EMSY: variants seen among roughly 807,000 people sequenced by gnomAD.
EMSY encodes BRCA2-interacting transcriptional repressor EMSY.
EMSY carries 26 observed loss-of-function variants against 134.6 expected under a neutral mutation model. The ratio of observed to expected loss-of-function variants is 0.19; its 90% confidence interval spans 0.14 to 0.27. The LOEUF is 0.27. Ranked by LOEUF, EMSY falls within the 10% of genes least tolerant of loss-of-function variation. The pLI is 1.00. For synonymous variants in EMSY, 579 were observed against 577.8 expected (o/e 1.00, Z -0.03); for missense variants, 1,305 against 1,611.4 (o/e 0.81, Z 3.26).
Position 76,499,727 on chromosome 11 carries a change from C to T in EMSY, c.1363+3258C>T, listed in dbSNP as rs1434366141. 2.6e-5 allele frequency among the ~76,000 whole-genome samples: 4 copies of T among 151,960 alleles called. No individual in the cohort carries two copies. The East Asian group carries it at 7.7e-4, about 29-fold the overall frequency. On this transcript the variant is annotated intron_variant, in intron 9 of 20. Coordinates refer to ENST00000334736, the Ensembl canonical transcript of EMSY. ...TTTTTTCTTGCCTATTTGTAGTTTA[C>T]TTGAAGAATTTTTAGGGTTTCATGT... is the stretch of plus-strand genomic sequence containing the variant.
At chr11:76,508,631 G>A (rs189338739) in intron 9 of EMSY, among the ~76,000 whole-genome samples, 3 of 152,334 alleles carry the variant, frequency 2.0e-5, no homozygotes, top group African/African-American at 7.2e-5. Flanking sequence ...GTCCTAGATG[G>A]CATCTTCTTC....
intron 6 of EMSY, chr11:76,461,065 T>C (rs1020612401): frequency 2.0e-5 from 3 of 151,382 alleles, no homozygotes; most frequent in African/African-American, 7.3e-5. Context: ...CAAGTTTGGG[T>C]GAGGATCTTA....
intron 9 of EMSY, among the ~76,000 whole-genome samples, chr11:76,510,223 T>C (rs764875111): frequency 3.9e-5 from 6 of 152,286 alleles, no homozygotes; most frequent in Non-Finnish European, 5.9e-5. Flanking sequence ...TGTGGTGGCA[T>C]ATGCTTGTAT....
intron 8 of EMSY, among the ~76,000 whole-genome samples, chr11:76,473,137 A>C (rs1203975802): frequency 6.6e-6 from 1 of 152,194 alleles, no homozygotes; most frequent in Non-Finnish European, 1.5e-5. Context: ...AAATATCTTT[A>C]ATATAATGAA....
At chr11:76,540,635 G>C (rs1262383180) in intron 17 of EMSY, among the ~76,000 whole-genome samples, 2 of 152,138 alleles carry the variant, frequency 1.3e-5, no homozygotes, top group African/African-American at 4.8e-5. Flanking sequence ...TATTTCACTG[G>C]ATAGTTTTAA....
At chr11:76,525,209 A>G (rs1950802549) in intron 12 of EMSY, among the ~76,000 whole-genome samples, 1 of 152,212 alleles carries the variant, frequency 6.6e-6, no homozygotes. Context: ...TCACTTGCAA[A>G]CTAGTGGCTC....
chr11:76,501,755 A>C (rs891069391), intron 9 of EMSY, among the ~76,000 whole-genome samples: 2 of 152,178 alleles, frequency 1.3e-5, no homozygotes, highest in African/African-American at 4.8e-5. Context: ...GGAAGAGAGA[A>C]AAGAAAAGAA....
At chr11:76,467,523 G>A (rs553622143) in intron 7 of EMSY, among the ~76,000 whole-genome samples, 14 of 152,286 alleles carry the variant, frequency 9.2e-5, no homozygotes, top group African/African-American at 3.4e-4. Flanking sequence ...GCTGCTAAGG[G>A]TAGAGACTTT....
intron 11 of EMSY, among the ~76,000 whole-genome samples, chr11:76,522,608 G>T (rs555704345): frequency 1.3e-5 from 2 of 152,114 alleles, no homozygotes; most frequent in Admixed American, 1.3e-4. Flanking sequence ...TGATCTGCCT[G>T]CGTCAGCCTC....
chr11:76,546,123 C>T (rs1181296121), exon 20 of EMSY: 1 of 1,614,082 alleles, frequency 6.2e-7, no homozygotes, highest in African/African-American at 1.3e-5. Flanking sequence ...TGGCGAATTC[C>T]ACTCCCCAGC....
At chr11:76,496,142 A>T in intron 8 of EMSY, 73 bp from the exon 10 acceptor site, 1 of 1,432,906 alleles carries the variant, frequency 7.0e-7, no homozygotes, top group Non-Finnish European at 9.5e-7. Context: ...ACTATTATCT[A>T]CTATAATAAC....
intron 18 of EMSY, among the ~76,000 whole-genome samples, chr11:76,543,876 C>T (rs1487896590): frequency 6.6e-6 from 1 of 152,184 alleles, no homozygotes; most frequent in Non-Finnish European, 1.5e-5. Flanking sequence ...CTTGGCTTTT[C>T]TCGGGACCTC....
intron 8 of EMSY, among the ~76,000 whole-genome samples, chr11:76,491,020 A>G (rs1020413129): frequency 1.3e-5 from 2 of 152,066 alleles, no homozygotes; most frequent in African/African-American, 4.8e-5. Context: ...TCTCGAATAT[A>G]CTTATATATC....
intron 3 of EMSY, 47 bp downstream of exon 3, chr11:76,452,004 G>T: frequency 1.6e-6 from 2 of 1,253,212 alleles, no homozygotes. Context: ...TTCATTTTGG[G>T]GGATTTTATT....
chr11:76,527,481 A>G (rs551570357), intron 13 of EMSY, among the ~76,000 whole-genome samples: 5 of 152,274 alleles, frequency 3.3e-5, no homozygotes, highest in Admixed American at 1.3e-4. Context: ...AGAATCTTAT[A>G]TGTGGTAGAA....
chr11:76,494,036 G>A lies in EMSY; in HGVS notation c.1109-2179G>A, dbSNP rs186335626. On this transcript the variant is annotated intron_variant, in intron 8 of 20. Coordinates refer to ENST00000334736, the Ensembl canonical transcript of EMSY. The stretch of plus-strand genomic sequence containing the variant: ...CGCCACTGTGTTCTCGTTCAGATGC[G>A]GATGCCCGCAGCAGAAGCTGTGTGC... Among the ~76,000 whole-genome samples, 528 of 152,374 alleles carry A rather than the reference G, an allele frequency of 3.5e-3. 4 individuals carry two copies. Among genetic ancestry groups the A allele is most frequent in the Non-Finnish European group, 4.8e-3 (328 of 68,036 alleles).
At position 76,454,628 on chromosome 11, in the gene EMSY, A is replaced by G. The variant is rs550680553; in HGVS notation, c.245+1240A>G. 8 of 579,696 alleles carry G rather than the reference A, an allele frequency of 1.4e-5. No homozygotes were observed. In the East Asian group the frequency reaches 2.5e-4, roughly 18 times the overall value. 35.9% of individuals were successfully genotyped at this position (579,696 alleles called of 1,614,324 possible). On this transcript the variant is annotated intron_variant, in intron 4 of 20. Coordinates refer to ENST00000334736, the Ensembl canonical transcript of EMSY. ...TGCATTCAGAGGCACTTAGAAACAA[A>G]TTAGTATTGTAGAAGCATTGGAAAG... is the stretch of plus-strand genomic sequence containing the variant.
At chr11:76,474,472 G>A (rs927431189) in intron 8 of EMSY, among the ~76,000 whole-genome samples, 2 of 152,150 alleles carry the variant, frequency 1.3e-5, no homozygotes, top group Non-Finnish European at 2.9e-5. Context: ...ACTCAAGTAG[G>A]AAAACAGTGT....
intron 4 of EMSY, 79 bp downstream of exon 4, chr11:76,453,467 G>C: frequency 7.7e-7 from 1 of 1,293,584 alleles, no homozygotes. Flanking sequence ...CTATTGTGTA[G>C]CAGATTCCTG....
Sources: gnomAD v4.1 joint callset for allele counts (sites outside exome capture counted in the v4.1 genomes callset) on GRCh38, gnomAD v4.1.1 for gene constraint, MANE v1.5 for transcripts, NCBI Gene and HGNC (gene_info 2026-07-23, HGNC 2026-07-21) for gene names.